ANKRD42: variants seen among roughly 807,000 people sequenced by gnomAD.
ANKRD42 encodes the protein ankyrin repeat domain-containing protein 42.
In ANKRD42, 43 loss-of-function variants were observed where a neutral mutation model predicts 51.5. That is an observed-to-expected ratio of 0.83 (90% CI 0.65 to 1.08). The LOEUF (loss-of-function observed/expected upper bound fraction) is 1.08. Among genes scored for constraint, ANKRD42 ranks in the 50% least tolerant of loss-of-function variants. The pLI is 0.00. For synonymous variants in ANKRD42, 203 were observed against 213.0 expected, an observed-to-expected ratio of 0.95 and a Z score of 0.41; for missense variants, 608 against 629.3, an observed-to-expected ratio of 0.97 and a Z score of 0.36.
At position 83,194,289 on chromosome 11, in the gene ANKRD42, C is replaced by T. The variant is rs1230509923; in HGVS notation, c.-382C>T. 1 of 485,116 alleles carries T rather than the reference C, an allele frequency of 2.1e-6. No homozygotes were observed. Among genetic ancestry groups the T allele is most frequent in the Non-Finnish European group, 4.1e-6 (1 of 246,326 alleles). 30.1% of individuals were successfully genotyped at this position (485,116 alleles called of 1,614,324 possible). A position where few individuals can be genotyped will look rare whatever the true frequency, so the allele number is the denominator to read the frequency against. ...TTCGGGACCCGCGAACTAGTGACTT[C>T]GGGGATAGAGTCAGTGACGATCGCA... is the stretch of plus-strand genomic sequence containing the variant. On this transcript the variant is annotated 5_prime_UTR_variant, in exon 1 of 11. Transcript: ENST00000533342.
At chr11:83,210,134 G>T (rs1011437512) in intron 3 of ANKRD42, 166 bp from the exon 4 acceptor site, 6 of 567,196 alleles carry the variant, frequency 1.1e-5, no homozygotes, top group African/African-American at 9.6e-5. Context: ...CATTTTCTTA[G>T]CATTAGCTGA....
chr11:83,213,573 T>C (rs1272405540), intron 5 of ANKRD42: 1 of 1,187,476 alleles, frequency 8.4e-7, no homozygotes, highest in African/African-American at 1.6e-5. Flanking sequence ...TTAGTTTTAG[T>C]CTTTCTGATG....
At chr11:83,263,108 AACAC>A (rs543058664), downstream of ANKRD42, among the ~76,000 whole-genome samples, 422 of 152,304 alleles carry the variant, frequency 2.8e-3, 2 homozygotes, top group African/African-American at 9.4e-3. Flanking sequence ...TTAATAAAAA[AACAC>A]ACACACAAAA....
intron 10 of ANKRD42, 74 bp from the exon 11 acceptor site, chr11:83,247,869 A>G (rs748174912): frequency 8.1e-7 from 1 of 1,240,340 alleles, no homozygotes; most frequent in Non-Finnish European, 1.1e-6. Flanking sequence ...ACAATGTATG[A>G]ATGCTTTCCA....
At chr11:83,247,119 A>ATT (rs34127140) in intron 10 of ANKRD42, among the ~76,000 whole-genome samples, 64 of 146,846 alleles carry the variant, frequency 4.4e-4, no homozygotes, top group Non-Finnish European at 7.5e-4. Flanking sequence ...TGAGATGTAG[A>ATT]TTTTTTTTTT....
chr11:83,235,792 T>A (rs1863206070), intron 7 of ANKRD42, among the ~76,000 whole-genome samples: 1 of 152,136 alleles, frequency 6.6e-6, no homozygotes, highest in Non-Finnish European at 1.5e-5. Context: ...TAAGCAGAGT[T>A]GTGAAGGTGA....
At chr11:83,216,347 A>G (rs1862529191) in intron 5 of ANKRD42, among the ~76,000 whole-genome samples, 1 of 146,750 alleles carries the variant, frequency 6.8e-6, no homozygotes. Context: ...TTTTTTTGAG[A>G]CGGAGTCTCG....
chr11:83,245,003 C>G (rs1019077787), intron 9 of ANKRD42, among the ~76,000 whole-genome samples: 1 of 151,956 alleles, frequency 6.6e-6, no homozygotes, highest in Non-Finnish European at 1.5e-5. Context: ...CTCCCGGGTT[C>G]AAGTGATTTT....
At chr11:83,238,105 T>C (rs1863275842) in intron 8 of ANKRD42, among the ~76,000 whole-genome samples, 1 of 152,214 alleles carries the variant, frequency 6.6e-6, no homozygotes, top group Non-Finnish European at 1.5e-5. Flanking sequence ...AATTCAATTA[T>C]CCACTCACAG....
chr11:83,197,113 CT>C (rs1408248171), intron 1 of ANKRD42, among the ~76,000 whole-genome samples: 2 of 151,878 alleles, frequency 1.3e-5, no homozygotes, highest in Non-Finnish European at 2.9e-5. Flanking sequence ...ATGTGCACAC[CT>C]TACAGATGCT....
intron 2 of ANKRD42, among the ~76,000 whole-genome samples, chr11:83,202,045 T>G (rs1565175610): frequency 6.6e-6 from 1 of 152,200 alleles, no homozygotes; most frequent in Non-Finnish European, 1.5e-5. Context: ...GCTTTTGGTG[T>G]TTTAGTCATG....
downstream of ANKRD42, chr11:83,262,090 T>C (rs533904821): frequency 1.3e-5 from 8 of 614,710 alleles, no homozygotes; most frequent in African/African-American, 1.5e-4. Context: ...TTCTATCCTA[T>C]GTTTTTTATT....
rs557826537 is a variant in ANKRD42, at chr11:83,241,392, A to C, written c.1195+458A>C. ...GAGGGAGGGTGATAAATAATTGATA[A>C]GAAAATAGATATATAAAGTAAATAG... is the stretch of plus-strand genomic sequence containing the variant. On this transcript the variant is annotated intron_variant, in intron 9 of 10. Transcript: ENST00000533342. Among the ~76,000 whole-genome samples, 42 of 152,328 alleles carry C rather than the reference A, an allele frequency of 2.8e-4. 1 individual carries two copies. The highest frequency in any genetic ancestry group is 3.4e-3 in the Middle Eastern group (1 of 294).
At chr11:83,241,263 A>G (rs575248333) in intron 9 of ANKRD42, among the ~76,000 whole-genome samples, 6 of 152,224 alleles carry the variant, frequency 3.9e-5, no homozygotes, top group Non-Finnish European at 5.9e-5. Context: ...TATAGATAAT[A>G]ATAGCAACAA....
downstream of ANKRD42, among the ~76,000 whole-genome samples, chr11:83,251,061 C>G (rs1318206855): frequency 6.6e-6 from 1 of 152,130 alleles, no homozygotes; most frequent in Non-Finnish European, 1.5e-5. Flanking sequence ...CAGCCTTAAC[C>G]TACCTCACCA....
intron 6 of ANKRD42, among the ~76,000 whole-genome samples, chr11:83,226,648 T>C (rs147575461): frequency 6.6e-6 from 1 of 152,232 alleles, no homozygotes; most frequent in Non-Finnish European, 1.5e-5. Flanking sequence ...TAAGACAGAA[T>C]ACAATAAAGA....
At chr11:83,223,581 T>C (rs1336749884) in intron 5 of ANKRD42, among the ~76,000 whole-genome samples, 3 of 151,732 alleles carry the variant, frequency 2.0e-5, no homozygotes, top group Non-Finnish European at 4.4e-5. Flanking sequence ...ATAAGGTAAA[T>C]GTGTGTGAGG....
chr11:83,227,857 ACTC>A lies in ANKRD42; in HGVS notation c.901_903del (p.Pro301del). 6.2e-7 allele frequency: 1 copy of A among 1,607,784 alleles called. No individual in the cohort carries two copies. Among genetic ancestry groups the A allele is most frequent in the Non-Finnish European group, 8.5e-7 (1 of 1,178,160 alleles). On this transcript the variant is annotated inframe_deletion, in exon 7 of 11. Transcript: ENST00000533342. Reference sequence around the variant, plus strand: ...TAATGAGCGTGCTGATAATGGATCAACTCCTATGCATAAAGGTGAGTTATGATT... The same window carrying A: ...TAATGAGCGTGCTGATAATGGATCAACTATGCATAAAGGTGAGTTATGATT...
At chr11:83,253,271 C>T (rs563149512), downstream of ANKRD42, among the ~76,000 whole-genome samples, 1 of 152,300 alleles carries the variant, frequency 6.6e-6, no homozygotes, top group African/African-American at 2.4e-5. Context: ...CCCTTTCTTT[C>T]TCTTTGTTTA....
Sources: allele counts gnomAD v4.1 joint callset (sites outside exome capture counted in the v4.1 genomes callset), GRCh38; gene constraint gnomAD v4.1.1; transcripts MANE v1.5; gene names NCBI Gene and HGNC (gene_info 2026-07-23, HGNC 2026-07-21).